NRXN1: variants seen among roughly 807,000 people sequenced by gnomAD.
NRXN1 encodes neurexin-1.
Under a neutral mutation model 150.9 loss-of-function variants are expected in NRXN1, and 39 were observed. The observed-to-expected ratio is 0.26, with a 90% CI of 0.20 to 0.34. The LOEUF (loss-of-function observed/expected upper bound fraction) is 0.34, where lower values mean the gene tolerates loss of function less well. Ranked by LOEUF, NRXN1 falls within the 10% of genes least tolerant of loss-of-function variation. NRXN1 has a pLI of 1.00. For missense variants in NRXN1, 1,815 were observed against 1,949.9 expected (o/e 0.93, Z 1.30); for synonymous variants, 924 against 757.0 (o/e 1.22, Z -3.62).
chr2:50,792,608 A>G (rs1274606431), intron 5 of NRXN1, among the ~76,000 whole-genome samples: 1 of 152,112 alleles, frequency 6.6e-6, no homozygotes, highest in African/African-American at 2.4e-5. Flanking sequence ...AGCCTCAAAT[A>G]AGAAATTTCC....
chr2:50,102,600 C>T (rs1051892023), intron 18 of NRXN1, among the ~76,000 whole-genome samples: 1 of 151,992 alleles, frequency 6.6e-6, no homozygotes, highest in African/African-American at 2.4e-5. Flanking sequence ...CACATTAAAA[C>T]TTACTGTAGC....
chr2:50,699,454 G>C lies in NRXN1; in HGVS notation c.833-75839C>G, dbSNP rs143628230. 1.4e-3 allele frequency among the ~76,000 whole-genome samples: 217 copies of C among 152,188 alleles called. 1 individual carries two copies. The highest frequency in any genetic ancestry group is 5.0e-3 in the African/African-American group (209 of 41,532). On this transcript the variant is annotated intron_variant, in intron 5 of 22. Transcript: ENST00000401669. The stretch of plus-strand genomic sequence containing the variant: ...TTCTTCAAAGCAGGAGCTTTGTTTG[G>C]AGCAGGAGAGAAGTGGCAGAAGGGG...
At chr2:50,069,697 C>T (rs2152664167) in intron 19 of NRXN1, among the ~76,000 whole-genome samples, 1 of 152,120 alleles carries the variant, frequency 6.6e-6, no homozygotes, top group East Asian at 1.9e-4. Flanking sequence ...TGTCTTCTTT[C>T]CACTTTGTGC....
intron 21 of NRXN1, among the ~76,000 whole-genome samples, chr2:49,980,964 T>C (rs774302571): frequency 3.9e-5 from 6 of 152,062 alleles, no homozygotes; most frequent in Non-Finnish European, 8.8e-5. Flanking sequence ...AAATGATGAC[T>C]CATGAAAATG....
chr2:49,938,023 C>G (rs1490160824), intron 22 of NRXN1, among the ~76,000 whole-genome samples: 2 of 152,114 alleles, frequency 1.3e-5, no homozygotes, highest in African/African-American at 4.8e-5. Flanking sequence ...TGAAAAACCA[C>G]TGAAAATTGC....
chr2:50,062,634 T>C (rs1036933726), intron 19 of NRXN1, among the ~76,000 whole-genome samples: 7 of 152,084 alleles, frequency 4.6e-5, no homozygotes. Flanking sequence ...ACTCAAATCC[T>C]TGACTTGGAG....
At chr2:50,356,842 C>T (rs536778027) in intron 17 of NRXN1, among the ~76,000 whole-genome samples, 30 of 152,226 alleles carry the variant, frequency 2.0e-4, no homozygotes, top group African/African-American at 6.7e-4. Flanking sequence ...TACTTGATGA[C>T]TGCCTCTTAC....
At chr2:50,795,176 G>A (rs1283738916) in intron 5 of NRXN1, among the ~76,000 whole-genome samples, 1 of 152,052 alleles carries the variant, frequency 6.6e-6, no homozygotes, top group Non-Finnish European at 1.5e-5. Flanking sequence ...AGCATCAGGA[G>A]TTTTTTAACT....
intron 5 of NRXN1, among the ~76,000 whole-genome samples, chr2:50,889,751 T>C (rs1269620658): frequency 6.6e-6 from 1 of 151,668 alleles, no homozygotes; most frequent in Non-Finnish European, 1.5e-5. Flanking sequence ...TAGTAAACTT[T>C]AGAAAATGTA....
intron 5 of NRXN1, among the ~76,000 whole-genome samples, chr2:50,765,863 G>A (rs1702325055): frequency 6.6e-6 from 1 of 152,014 alleles, no homozygotes; most frequent in Non-Finnish European, 1.5e-5. Context: ...AGATACAGGT[G>A]GAAGAATTGA....
At chr2:50,109,763 A>G (rs1334897356) in intron 18 of NRXN1, among the ~76,000 whole-genome samples, 4 of 152,136 alleles carry the variant, frequency 2.6e-5, no homozygotes, top group Non-Finnish European at 5.9e-5. Flanking sequence ...GGTTGAGGCC[A>G]GGGTACTATA....
chr2:50,114,374 A>C (rs1035739133), intron 18 of NRXN1, among the ~76,000 whole-genome samples: 1 of 152,192 alleles, frequency 6.6e-6, no homozygotes, highest in Non-Finnish European at 1.5e-5. Flanking sequence ...GCTGGTGAGA[A>C]TGTAGAGCAA....
At chr2:50,165,129 G>T (rs918543232) in intron 18 of NRXN1, among the ~76,000 whole-genome samples, 1 of 152,112 alleles carries the variant, frequency 6.6e-6, no homozygotes, top group African/African-American at 2.4e-5. Flanking sequence ...GACCTCAATG[G>T]GTAACTGACC....
chr2:50,228,499 G>A (rs751155760), intron 18 of NRXN1, among the ~76,000 whole-genome samples: 5 of 152,052 alleles, frequency 3.3e-5, no homozygotes, highest in East Asian at 1.9e-4. Context: ...AGTTTCAGTC[G>A]CCTGTGAGAC....
intron 5 of NRXN1, among the ~76,000 whole-genome samples, chr2:50,632,112 T>G (rs898990450): frequency 1.3e-5 from 2 of 151,998 alleles, no homozygotes; most frequent in Non-Finnish European, 2.9e-5. Flanking sequence ...GAAATGGATA[T>G]GAAGTAAATA....
chr2:50,851,742 GA>G (rs972633686), intron 5 of NRXN1, among the ~76,000 whole-genome samples: 1 of 151,120 alleles, frequency 6.6e-6, no homozygotes, highest in Non-Finnish European at 1.5e-5. Context: ...CAAAAAGGGA[GA>G]AAAAAAAATA....
intron 15 of NRXN1, among the ~76,000 whole-genome samples, chr2:50,491,082 C>T (rs530711165): frequency 6.6e-6 from 1 of 152,268 alleles, no homozygotes; most frequent in Admixed American, 6.5e-5. Flanking sequence ...ATCACTCTTC[C>T]CTGAATATTT....
At chr2:50,333,743 C>T (rs757347218) in intron 17 of NRXN1, among the ~76,000 whole-genome samples, 23 of 151,726 alleles carry the variant, frequency 1.5e-4, no homozygotes, top group Non-Finnish European at 3.4e-4. Flanking sequence ...AGAGAATGTC[C>T]TATTCCAAGC....
At chr2:50,119,558 T>C (rs967927130) in intron 18 of NRXN1, among the ~76,000 whole-genome samples, 9 of 132,980 alleles carry the variant, frequency 6.8e-5, no homozygotes, top group Admixed American at 6.4e-4. Context: ...AAAAGGTTCA[T>C]TAAAAAAGAA....
Sources: allele counts gnomAD v4.1 joint callset (sites outside exome capture counted in the v4.1 genomes callset), GRCh38; gene constraint gnomAD v4.1.1; transcripts MANE v1.5; gene names NCBI Gene and HGNC (gene_info 2026-07-23, HGNC 2026-07-21).